The following DOCK1 variants were observed in gnomAD, a reference collection of about 807,000 sequenced individuals.
DOCK1 encodes the protein dedicator of cytokinesis protein 1.
DOCK1 carries 138 observed loss-of-function variants against 262.7 expected under a neutral mutation model. The observed-to-expected ratio is 0.53, with a 90% CI of 0.46 to 0.61. DOCK1 has a LOEUF of 0.61. DOCK1 is among the 20% of genes least tolerant of loss of function. DOCK1 has a pLI of 0.00. For missense variants in DOCK1, 1,908 were observed against 2,370.7 expected (o/e 0.80, Z 4.05); for synonymous variants, 866 against 867.4 (o/e 1.00, Z 0.03).
chr10:126,948,996 T>C (rs2035912631), intron 1 of DOCK1, among the ~76,000 whole-genome samples: 1 of 152,106 alleles, frequency 6.6e-6, no homozygotes, highest in African/African-American at 2.4e-5. Flanking sequence ...CCCTGGACCC[T>C]GTTCCCTTTG....
At chr10:126,924,710 G>C (rs1169399512) in intron 1 of DOCK1, among the ~76,000 whole-genome samples, 1 of 152,202 alleles carries the variant, frequency 6.6e-6, no homozygotes, top group Non-Finnish European at 1.5e-5. Context: ...TTACCATGGA[G>C]GGCCAGGTGT....
At chr10:126,953,697 T>G (rs1487727139) in intron 1 of DOCK1, among the ~76,000 whole-genome samples, 1 of 151,970 alleles carries the variant, frequency 6.6e-6, no homozygotes, top group Non-Finnish European at 1.5e-5. Flanking sequence ...GTGGTTGAGA[T>G]TTTTCCCTGG....
chr10:126,911,216 T>C (rs527850660), intron 1 of DOCK1, among the ~76,000 whole-genome samples: 2 of 152,306 alleles, frequency 1.3e-5, no homozygotes, highest in Admixed American at 6.5e-5. Context: ...TTTGTCACCG[T>C]CCTTATTGCT....
intron 42 of DOCK1, 59 bp downstream of exon 42, chr10:127,409,450 C>T (rs948401725): frequency 3.2e-6 from 5 of 1,546,814 alleles, no homozygotes; most frequent in Non-Finnish European, 4.5e-6. Flanking sequence ...GTACAGATCT[C>T]TTGCTAATAA....
intron 27 of DOCK1, chr10:127,137,738 G>T: frequency 8.7e-7 from 1 of 1,144,442 alleles, no homozygotes; most frequent in Non-Finnish European, 1.2e-6. Flanking sequence ...TGCCTGAATG[G>T]GCACCACAGT....
intron 9 of DOCK1, among the ~76,000 whole-genome samples, 164 bp downstream of exon 9, chr10:126,999,599 G>C (rs1358867703): frequency 6.6e-6 from 1 of 152,198 alleles, no homozygotes; most frequent in Non-Finnish European, 1.5e-5. Flanking sequence ...GAAATCATCT[G>C]AGTCTCTAGC....
chr10:127,412,437 T>A (rs955149570), intron 43 of DOCK1, among the ~76,000 whole-genome samples: 5 of 152,346 alleles, frequency 3.3e-5, no homozygotes, highest in South Asian at 2.1e-4. Flanking sequence ...ATAATTTTTT[T>A]AAAATGTTAA....
intron 23 of DOCK1, among the ~76,000 whole-genome samples, chr10:127,096,968 G>A (rs2047944179): frequency 6.6e-6 from 1 of 152,108 alleles, no homozygotes; most frequent in Admixed American, 6.5e-5. Flanking sequence ...AGCTGGGCAT[G>A]GTGGCACACA....
intron 25 of DOCK1, among the ~76,000 whole-genome samples, chr10:127,113,461 T>G (rs2132907888): frequency 6.6e-6 from 1 of 152,296 alleles, no homozygotes; most frequent in South Asian, 2.1e-4. Flanking sequence ...ACATTTCTTT[T>G]TATCTCCGCC....
At chr10:126,952,859 G>C (rs2036408562) in intron 1 of DOCK1, among the ~76,000 whole-genome samples, 1 of 150,400 alleles carries the variant, frequency 6.6e-6, no homozygotes, top group South Asian at 2.1e-4. Context: ...TATTGTTGGT[G>C]ATGTGGTAGT....
At position 127,148,350 on chromosome 10, in the gene DOCK1, A is replaced by G. The variant is rs556046358; in HGVS notation, c.2847+20586A>G. ...TGCAACTGATGGTAGGAATTCTACC[A>G]CTTGACGAGAAGATTCTAAATTCTG... is the stretch of plus-strand genomic sequence containing the variant. On this transcript the variant is annotated intron_variant, in intron 27 of 51. Coordinates refer to ENST00000623213, the MANE Select transcript of DOCK1 (RefSeq NM_001290223.2). Among the ~76,000 whole-genome samples the G allele has an allele frequency of 2.6e-5, 4 of 152,338 alleles. No individual in the cohort carries two copies. In the South Asian group the frequency reaches 8.3e-4, roughly 32 times the overall value.
At chr10:127,316,550 T>C (rs2062290674) in intron 29 of DOCK1, among the ~76,000 whole-genome samples, 1 of 152,228 alleles carries the variant, frequency 6.6e-6, no homozygotes, top group Non-Finnish European at 1.5e-5. Context: ...CTTTGCTTCA[T>C]TTCTTCTTTC....
At chr10:127,449,945 G>A (rs1382726802) in intron 51 of DOCK1, among the ~76,000 whole-genome samples, 1 of 152,132 alleles carries the variant, frequency 6.6e-6, no homozygotes. Flanking sequence ...TTGGCATAGA[G>A]GTCATTTGCA....
intron 16 of DOCK1, among the ~76,000 whole-genome samples, chr10:127,030,354 C>T (rs12242878): frequency 0.041 from 6,248 of 152,228 alleles, 433 homozygotes; most frequent in African/African-American, 0.14. Context: ...CCTGGCTTAT[C>T]AGTCCTTCCC....
At chr10:127,250,170 C>T (rs2059576273) in intron 28 of DOCK1, among the ~76,000 whole-genome samples, 1 of 152,198 alleles carries the variant, frequency 6.6e-6, no homozygotes, top group East Asian at 1.9e-4. Flanking sequence ...GAATTACTCA[C>T]CTGGAAAAGT....
chr10:127,187,829 A>G (rs1589845559), intron 27 of DOCK1, among the ~76,000 whole-genome samples: 1 of 152,212 alleles, frequency 6.6e-6, no homozygotes, highest in South Asian at 2.1e-4. Flanking sequence ...TCTCTACCCC[A>G]GTCCAGGTAA....
chr10:127,447,567 C>T (rs1278840843), intron 51 of DOCK1, 22 bp downstream of exon 51: 3 of 1,612,186 alleles, frequency 1.9e-6, no homozygotes, highest in Non-Finnish European at 2.5e-6. Flanking sequence ...ATCTGAAACA[C>T]AGGCTTTCAT....
chr10:127,275,590 G>A (rs746786845), intron 29 of DOCK1, among the ~76,000 whole-genome samples: 1 of 152,138 alleles, frequency 6.6e-6, no homozygotes, highest in Non-Finnish European at 1.5e-5. Flanking sequence ...GTGGAGATGA[G>A]CGGATGATGG....
intron 21 of DOCK1, among the ~76,000 whole-genome samples, chr10:127,046,700 G>C (rs1286834914): frequency 7.0e-6 from 1 of 143,868 alleles, no homozygotes; most frequent in Non-Finnish European, 1.5e-5. Context: ...GGCAGAGGTT[G>C]CAGTGAGCAG....
Sources: allele counts gnomAD v4.1 joint callset (sites outside exome capture counted in the v4.1 genomes callset), GRCh38; gene constraint gnomAD v4.1.1; transcripts MANE v1.5; gene names NCBI Gene and HGNC (gene_info 2026-07-23, HGNC 2026-07-21).